APBB2: variants seen among roughly 807,000 people sequenced by gnomAD.
APBB2 encodes Fe65-like 1.
A neutral mutation model predicts 82.5 loss-of-function variants in APBB2; 38 were observed. The ratio of observed to expected loss-of-function variants is 0.46; its 90% confidence interval spans 0.36 to 0.60. APBB2 has a LOEUF of 0.60. Among genes scored for constraint, APBB2 ranks in the 20% least tolerant of loss-of-function variants. The pLI is 0.00. For synonymous variants in APBB2, 341 were observed against 368.2 expected (o/e 0.93, Z 0.85); for missense variants, 772 against 972.3 (o/e 0.79, Z 2.74).
In APBB2 at chr4:41,140,231, C is replaced by G. The variant is rs537743541; in HGVS notation, c.-261+2756G>C. Among the ~76,000 whole-genome samples the G allele has an allele frequency of 4.6e-5, 7 of 152,228 alleles. No homozygotes were observed. In the South Asian group the frequency reaches 1.5e-3, roughly 32 times the overall value. Reference sequence around the variant, plus strand: ...TCTGATAGCCTCTCATTTGGCTAGGCCTTAAACAATTGTATTCAGAGTAAA... The same window carrying G: ...TCTGATAGCCTCTCATTTGGCTAGGGCTTAAACAATTGTATTCAGAGTAAA... On this transcript the variant is annotated intron_variant, in intron 2 of 17. Coordinates refer to ENST00000508593, the MANE Select transcript of APBB2 (RefSeq NM_004307.2).
chr4:40,910,108 C>A (rs1299571288), intron 10 of APBB2, among the ~76,000 whole-genome samples: 8 of 148,132 alleles, frequency 5.4e-5, no homozygotes, highest in Non-Finnish European at 7.4e-5. Flanking sequence ...GCACCCACCA[C>A]CATGCCTGGC....
At chr4:41,133,085 G>T (rs1010077942) in intron 2 of APBB2, among the ~76,000 whole-genome samples, 1 of 151,928 alleles carries the variant, frequency 6.6e-6, no homozygotes, top group Non-Finnish European at 1.5e-5. Context: ...TTATACAAAA[G>T]GGAATGGTAA....
chr4:41,026,912 C>T (rs1319614592), intron 5 of APBB2, among the ~76,000 whole-genome samples: 1 of 152,104 alleles, frequency 6.6e-6, no homozygotes, highest in Non-Finnish European at 1.5e-5. Context: ...TGAGATCCTT[C>T]CTCAGGAAAT....
intron 12 of APBB2, among the ~76,000 whole-genome samples, chr4:40,873,831 CA>C (rs1476466082): frequency 6.6e-6 from 1 of 152,106 alleles, no homozygotes; most frequent in African/African-American, 2.4e-5. Context: ...AAAAAACCCG[CA>C]AAATACTCCT....
chr4:40,890,481 A>G lies in APBB2; in HGVS notation c.1412T>C (p.Met471Thr), dbSNP rs1771672555. The G allele has an allele frequency of 3.1e-6, 5 of 1,613,888 alleles. No homozygotes were observed. The highest frequency in any genetic ancestry group is 4.5e-5 in the East Asian group (2 of 44,860). The stretch of plus-strand genomic sequence containing the variant: ...CATGTCATTCTCCAGGATCAGGTAC[A>G]TGTCTTTCCCCTGGGACACAACGAG... The part of the protein sequence containing the change: ...TVGIWGEGKD[M>T]YLILENDMLS... Residue 471 changes from methionine (M) to threonine (T), a missense_variant, in exon 12 of 18, where the codon ATG becomes ACG. Coordinates refer to ENST00000508593, the MANE Select transcript of APBB2 (RefSeq NM_004307.2).
Position 41,004,836 on chromosome 4 carries a change from C to CAAAAA in APBB2, c.835+8742_835+8746dup, listed in dbSNP as rs34941899. ...TGGGCGACACAGCGAGACCCCATCTCAAAAAAAAAAAAAAAAAAAAAAAGA... is the reference window on the plus strand; with the variant it reads ...TGGGCGACACAGCGAGACCCCATCTCAAAAAAAAAAAAAAAAAAAAAAAAAAAAGA... On this transcript the variant is annotated intron_variant, in intron 6 of 17. Transcript: ENST00000508593. 2.9e-3 allele frequency among the ~76,000 whole-genome samples: 144 copies of CAAAAA among 49,182 alleles called. 4 individuals carry two copies. Among genetic ancestry groups the CAAAAA allele is most frequent in the Non-Finnish European group, 3.3e-3 (97 of 29,192 alleles). 32.3% of individuals were successfully genotyped at this position (49,182 alleles called of 152,430 possible).
At position 40,868,165 on chromosome 4, in the gene APBB2, A is replaced by C. The variant is rs960341256; in HGVS notation, c.1529+22199T>G. Among the ~76,000 whole-genome samples the C allele has an allele frequency of 2.0e-5, 3 of 152,054 alleles. No individual in the cohort carries two copies. In the South Asian group the frequency reaches 6.2e-4, roughly 31 times the overall value. On this transcript the variant is annotated intron_variant, in intron 12 of 17. Coordinates refer to ENST00000508593, the MANE Select transcript of APBB2 (RefSeq NM_004307.2). ...AGCCACCACACCCAGCTGGTTTTTA[A>C]AGTATGGTCCACAGACAGAATTAGT...
chr4:41,099,952 A>C (rs935100626), intron 3 of APBB2, among the ~76,000 whole-genome samples: 1 of 152,210 alleles, frequency 6.6e-6, no homozygotes, highest in Non-Finnish European at 1.5e-5. Flanking sequence ...CCATTAAAAA[A>C]ACAGATCGAC....
intron 6 of APBB2, among the ~76,000 whole-genome samples, chr4:40,963,612 A>G (rs886570310): frequency 3.9e-5 from 6 of 152,264 alleles, no homozygotes; most frequent in African/African-American, 9.6e-5. Context: ...GACTCTGCTC[A>G]TCACACATAA....
chr4:41,022,794 A>T (rs1305330548), intron 5 of APBB2, among the ~76,000 whole-genome samples: 1 of 152,214 alleles, frequency 6.6e-6, no homozygotes, highest in African/African-American at 2.4e-5. Flanking sequence ...TTGACATAAA[A>T]TGTCTAGACA....
At chr4:40,882,910 G>A (rs998519459) in intron 12 of APBB2, among the ~76,000 whole-genome samples, 16 of 152,192 alleles carry the variant, frequency 1.1e-4, no homozygotes, top group Non-Finnish European at 1.9e-4. Context: ...CTCTAGTTCC[G>A]AGTCCTTTGC....
intron 1 of APBB2, among the ~76,000 whole-genome samples, chr4:41,145,896 A>G (rs776093052): frequency 2.6e-5 from 4 of 152,228 alleles, no homozygotes; most frequent in Non-Finnish European, 5.9e-5. Flanking sequence ...AGTGGTTTCA[A>G]AAATTAAGAG....
At chr4:40,831,187 C>T (rs1374329649) in intron 12 of APBB2, among the ~76,000 whole-genome samples, 2 of 152,282 alleles carry the variant, frequency 1.3e-5, no homozygotes, top group African/African-American at 4.8e-5. Context: ...CACCTGAGGT[C>T]AGGAGTTGGA....
chr4:40,927,580 C>T (rs1033866594), intron 10 of APBB2, among the ~76,000 whole-genome samples: 1 of 152,112 alleles, frequency 6.6e-6, no homozygotes. Flanking sequence ...TCCTTGGGCT[C>T]GAGTGATCTT....
intron 3 of APBB2, among the ~76,000 whole-genome samples, chr4:41,088,467 G>A (rs919202782): frequency 6.6e-6 from 1 of 152,236 alleles, no homozygotes; most frequent in Non-Finnish European, 1.5e-5. Context: ...GTGGAAAGGG[G>A]TTAGGATCTG....
intron 12 of APBB2, among the ~76,000 whole-genome samples, chr4:40,852,535 G>A (rs1455710328): frequency 2.0e-5 from 3 of 152,210 alleles, no homozygotes; most frequent in Non-Finnish European, 2.9e-5. Context: ...GACAGAAAGG[G>A]TACTGAAGGG....
chr4:41,198,224 T>C, intron 1 of APBB2, among the ~76,000 whole-genome samples: 1 of 152,194 alleles, frequency 6.6e-6, no homozygotes, highest in African/African-American at 2.4e-5. Context: ...TTGCCCATAA[T>C]GCTACCACAA....
chr4:41,036,149 C>A (rs1438895109), intron 4 of APBB2, among the ~76,000 whole-genome samples: 4 of 152,072 alleles, frequency 2.6e-5, no homozygotes, highest in Non-Finnish European at 5.9e-5. Flanking sequence ...CAGAGTGACA[C>A]CCTATCTCTA....
At chr4:41,025,409 G>T (rs1010201586) in intron 5 of APBB2, among the ~76,000 whole-genome samples, 2 of 152,026 alleles carry the variant, frequency 1.3e-5, no homozygotes, top group African/African-American at 4.8e-5. Flanking sequence ...CTGTCGGTGG[G>T]AGTGTGAATT....
Sources: gnomAD v4.1 joint callset for allele counts (sites outside exome capture counted in the v4.1 genomes callset) on GRCh38, gnomAD v4.1.1 for gene constraint, MANE v1.5 for transcripts, NCBI Gene and HGNC (gene_info 2026-07-23, HGNC 2026-07-21) for gene names.